EXOC4: variants seen among roughly 807,000 people sequenced by gnomAD.
EXOC4 encodes exocyst complex component 4.
In EXOC4, 71 loss-of-function variants were observed where a neutral mutation model predicts 107.2. That is an observed-to-expected ratio of 0.66 (90% CI 0.55 to 0.81). The LOEUF is 0.81. Among genes scored for constraint, EXOC4 ranks in the 30% least tolerant of loss-of-function variants. EXOC4 has a pLI of 0.00. For synonymous variants in EXOC4, 456 were observed against 441.2 expected (o/e 1.03, Z -0.42); for missense variants, 1,108 against 1,189.6 (o/e 0.93, Z 1.01).
intron 11 of EXOC4, among the ~76,000 whole-genome samples, chr7:133,824,009 C>T (rs1797639006): frequency 7.0e-6 from 1 of 142,432 alleles, no homozygotes; most frequent in Non-Finnish European, 1.5e-5. Flanking sequence ...TACTTTGAAC[C>T]AAGCCTTGTA....
At chr7:133,486,397 A>G (rs904486333) in intron 9 of EXOC4, among the ~76,000 whole-genome samples, 1 of 152,208 alleles carries the variant, frequency 6.6e-6, no homozygotes, top group Non-Finnish European at 1.5e-5. Context: ...ATTTAAGGCA[A>G]TATTTCACTT....
intron 10 of EXOC4, chr7:133,768,143 G>GA (rs1348980514): frequency 6.6e-6 from 1 of 151,900 alleles, no homozygotes; most frequent in Non-Finnish European, 1.5e-5. Context: ...AGAAGACTAA[G>GA]AAACCCTGGT....
chr7:134,084,795 C>A, the EXOC4 span, among the ~76,000 whole-genome samples: 1 of 149,794 alleles, frequency 6.7e-6, no homozygotes, highest in Non-Finnish European at 1.5e-5. Context: ...AAAAGAAAAA[C>A]TTCAGCCAAA....
At chr7:133,343,585 CT>C (rs1795716021) in intron 5 of EXOC4, among the ~76,000 whole-genome samples, 1 of 150,880 alleles carries the variant, frequency 6.6e-6, no homozygotes, top group African/African-American at 2.4e-5. Flanking sequence ...TTAATCTTGT[CT>C]TTTAGTTCCG....
At chr7:134,025,132 G>A (rs371418424) in intron 17 of EXOC4, among the ~76,000 whole-genome samples, 1 of 152,026 alleles carries the variant, frequency 6.6e-6, no homozygotes. Context: ...TTTGAACCCT[G>A]ATTGTTACAT....
At chr7:134,030,813 G>C (rs1429106206) in intron 17 of EXOC4, among the ~76,000 whole-genome samples, 2 of 151,776 alleles carry the variant, frequency 1.3e-5, no homozygotes, top group Non-Finnish European at 2.9e-5. Context: ...ACCCTTTGCT[G>C]TCAGGCTCCC....
At chr7:134,045,543 A>G (rs1245879406) in intron 17 of EXOC4, among the ~76,000 whole-genome samples, 1 of 152,246 alleles carries the variant, frequency 6.6e-6, no homozygotes, top group Non-Finnish European at 1.5e-5. Flanking sequence ...TTGGCTGCGG[A>G]CAGATGTCTT....
chr7:133,380,947 C>T (rs1378760185), intron 7 of EXOC4, among the ~76,000 whole-genome samples: 1 of 152,128 alleles, frequency 6.6e-6, no homozygotes, highest in African/African-American at 2.4e-5. Context: ...TTTTTGCTTG[C>T]TTTCTCTTTC....
At chr7:133,692,213 A>G (rs1794436749) in intron 10 of EXOC4, among the ~76,000 whole-genome samples, 2 of 152,234 alleles carry the variant, frequency 1.3e-5, no homozygotes, top group African/African-American at 4.8e-5. Context: ...GTAATCCTCA[A>G]GAGAGTATTT....
rs144997173 is a variant in EXOC4 at position 134,016,945 on chromosome 7, G to A, written c.2687+9110G>A. 3.7e-3 allele frequency among the ~76,000 whole-genome samples: 556 copies of A among 152,320 alleles called. 4 individuals are homozygous for A. The highest frequency in any genetic ancestry group is 0.013 in the African/African-American group (543 of 41,570). The stretch of plus-strand genomic sequence containing the variant: ...ATCTCCCCTCACTCTTCTGAATCAA[G>A]AGTGGGTATTGCCCCTGAAGCGGAC... On this transcript the variant is annotated intron_variant, in intron 17 of 17. Coordinates refer to ENST00000253861, the MANE Select transcript of EXOC4 (RefSeq NM_021807.4).
rs536431989 is a variant in EXOC4, at chr7:134,007,537, C to G, written c.2528-139C>G. ...AAAATTATTGTCAGATCAGCAGATG[C>G]AACCATCAGAGGTAGATTTTCTTTG... On this transcript the variant is annotated intron_variant, in intron 16 of 17. Coordinates refer to ENST00000253861, the MANE Select transcript of EXOC4 (RefSeq NM_021807.4). The G allele has an allele frequency of 1.3e-5, 9 of 695,450 alleles. No homozygotes were observed. The South Asian group carries it at 3.1e-4, about 24-fold the overall frequency. 43.1% of individuals were successfully genotyped at this position (695,450 alleles called of 1,614,324 possible). A position where few individuals can be genotyped will look rare whatever the true frequency, so the allele number is the denominator to read the frequency against.
At chr7:133,379,176 C>T (rs751824567) in intron 7 of EXOC4, among the ~76,000 whole-genome samples, 11 of 152,018 alleles carry the variant, frequency 7.2e-5, no homozygotes, top group Non-Finnish European at 1.6e-4. Context: ...GAAAAATGGG[C>T]AGCAAGTTAT....
intron 7 of EXOC4, among the ~76,000 whole-genome samples, chr7:133,466,418 G>A (rs1798729790): frequency 1.3e-5 from 2 of 152,182 alleles, no homozygotes; most frequent in South Asian, 4.1e-4. Context: ...GAAATTAAAA[G>A]GATTCTGAGA....
chr7:133,485,992 T>C (rs1472829569), intron 9 of EXOC4, among the ~76,000 whole-genome samples: 1 of 152,232 alleles, frequency 6.6e-6, no homozygotes, highest in Non-Finnish European at 1.5e-5. Flanking sequence ...CTTTTGTTTT[T>C]ATTCAATGAT....
At chr7:133,958,901 A>G (rs1268541083) in intron 14 of EXOC4, among the ~76,000 whole-genome samples, 1 of 152,234 alleles carries the variant, frequency 6.6e-6, no homozygotes, top group Non-Finnish European at 1.5e-5. Flanking sequence ...GGCAAAGTTT[A>G]CATTAATGAC....
chr7:133,509,229 C>A (rs774665918), intron 9 of EXOC4, among the ~76,000 whole-genome samples: 1 of 152,066 alleles, frequency 6.6e-6, no homozygotes, highest in African/African-American at 2.4e-5. Flanking sequence ...GAGATCGAGA[C>A]CATCCTGGCT....
chr7:133,292,812 A>G (rs1399346250), intron 3 of EXOC4, among the ~76,000 whole-genome samples: 1 of 152,208 alleles, frequency 6.6e-6, no homozygotes, highest in Non-Finnish European at 1.5e-5. Context: ...TGTAGCTCAT[A>G]CAGTCAGAGT....
At chr7:133,306,343 C>T (rs999475749) in intron 4 of EXOC4, among the ~76,000 whole-genome samples, 5 of 152,134 alleles carry the variant, frequency 3.3e-5, no homozygotes, top group Non-Finnish European at 5.9e-5. Flanking sequence ...GACATTGGTA[C>T]ATCTCAGAAG....
intron 10 of EXOC4, among the ~76,000 whole-genome samples, chr7:133,646,390 A>G (rs1802993458): frequency 6.6e-6 from 1 of 152,176 alleles, no homozygotes; most frequent in Admixed American, 6.5e-5. Flanking sequence ...TTACTACCCT[A>G]CAAGAGGCTA....
Sources: allele counts gnomAD v4.1 joint callset (sites outside exome capture counted in the v4.1 genomes callset), GRCh38; gene constraint gnomAD v4.1.1; transcripts MANE v1.5; gene names NCBI Gene and HGNC (gene_info 2026-07-23, HGNC 2026-07-21).